The following NOS1AP variants were observed in gnomAD, a reference collection of about 807,000 sequenced individuals.
NOS1AP encodes the protein carboxyl-terminal PDZ ligand of neuronal nitric oxide synthase protein.
NOS1AP carries 21 observed loss-of-function variants against 56.2 expected under a neutral mutation model. That is an observed-to-expected ratio of 0.37 (90% CI 0.26 to 0.54). The LOEUF (loss-of-function observed/expected upper bound fraction) is 0.54. Ranked by LOEUF, NOS1AP falls within the 20% of genes least tolerant of loss-of-function variation. The probability of loss-of-function intolerance (pLI) is 0.84; values close to 1 mark genes in which losing one functional copy is unlikely to be tolerated. For missense variants in NOS1AP, 522 were observed against 657.8 expected, an observed-to-expected ratio of 0.79 and a Z score of 2.26; for synonymous variants, 270 against 274.6, an observed-to-expected ratio of 0.98 and a Z score of 0.17.
chr1:162,164,162 T>A (rs373529243), intron 2 of NOS1AP, among the ~76,000 whole-genome samples: 35 of 152,334 alleles, frequency 2.3e-4, no homozygotes, highest in African/African-American at 7.9e-4. Context: ...TTTCTTGCAC[T>A]GACACACCTC....
At chr1:162,364,012 CTG>C (rs1318044339) in intron 8 of NOS1AP, 1 of 985,344 alleles carries the variant, frequency 1.0e-6, no homozygotes, top group Non-Finnish European at 1.2e-6. Flanking sequence ...GTGTAATTCT[CTG>C]AGTGCTGGTT....
rs3065060 is a variant in NOS1AP, at chr1:162,368,438, C to CAAAAAAA, written c.*978_*984dup. The CAAAAAAA allele has an allele frequency of 2.4e-3, 350 of 145,746 alleles. 3 individuals carry two copies. The highest frequency in any genetic ancestry group is 8.5e-3 in the African/African-American group (329 of 38,494). 9.0% of individuals were successfully genotyped at this position (145,746 alleles called of 1,614,324 possible). ...GGGCAGTGGTGGTCAGTTTTTACTG[C>CAAAAAAA]AAAAAAAAAAAAAGAAAAAAGAGAA... On this transcript the variant is annotated 3_prime_UTR_variant, in exon 10 of 10. Transcript: ENST00000361897.
chr1:162,292,964 G>A (rs1557866357), intron 3 of NOS1AP, among the ~76,000 whole-genome samples: 2 of 152,152 alleles, frequency 1.3e-5, no homozygotes, highest in Admixed American at 6.5e-5. Context: ...TGGCAGCCAG[G>A]GTGTGAATCT....
intron 1 of NOS1AP, among the ~76,000 whole-genome samples, chr1:162,105,106 GT>G (rs763452013): frequency 2.0e-5 from 3 of 152,088 alleles, no homozygotes; most frequent in Non-Finnish European, 2.9e-5. Flanking sequence ...TTTTTTGTTG[GT>G]GGTGTTGTTT....
At chr1:162,241,743 A>C (rs936941088) in intron 2 of NOS1AP, among the ~76,000 whole-genome samples, 1 of 152,146 alleles carries the variant, frequency 6.6e-6, no homozygotes, top group East Asian at 1.9e-4. Flanking sequence ...GTCTCCAAGG[A>C]TTGACTCAGC....
intron 2 of NOS1AP, among the ~76,000 whole-genome samples, chr1:162,212,043 T>C (rs1428558236): frequency 2.0e-5 from 3 of 152,210 alleles, no homozygotes; most frequent in Non-Finnish European, 4.4e-5. Context: ...TAGTCGATGC[T>C]ATAGCTGGGG....
chr1:162,343,934 G>A lies in NOS1AP; in HGVS notation c.553G>A (p.Asp185Asn). The A allele has an allele frequency of 6.2e-7, 1 of 1,614,182 alleles. No homozygotes were observed. Among genetic ancestry groups the A allele is most frequent in the African/African-American group, 1.3e-5 (1 of 75,046 alleles). The change falls in exon 6 of 10, where the codon GAT becomes AAT. Residue 185 changes from aspartate to asparagine, a missense_variant. Physicochemically the swap from Asp to Asn is conservative, Grantham distance 23. Coordinates refer to ENST00000361897, the MANE Select transcript of NOS1AP (RefSeq NM_014697.3). Reference sequence around the variant, plus strand: ...GCAGCAGAATGCAGATGGCCAGGAAGATGGAGAGAGCGAGAGGAACAGCAA... The same window carrying A: ...GCAGCAGAATGCAGATGGCCAGGAAAATGGAGAGAGCGAGAGGAACAGCAA... ...HTQQNADGQE[D>N]GESERNSNSS... is the part of the protein sequence containing the mutation.
chr1:162,300,365 C>T (rs1655605846), intron 3 of NOS1AP, among the ~76,000 whole-genome samples: 2 of 152,142 alleles, frequency 1.3e-5, no homozygotes, highest in South Asian at 2.1e-4. Flanking sequence ...ACATTACGTC[C>T]CCACTTCACC....
intron 2 of NOS1AP, 102 bp from the exon 3 acceptor site, chr1:162,287,242 C>T (rs532355512): frequency 7.4e-6 from 6 of 809,496 alleles, no homozygotes; most frequent in East Asian, 2.5e-5. Flanking sequence ...ATTCCCCACA[C>T]CTGTCTGGGG....
chr1:162,346,237 G>T (rs7544809), intron 6 of NOS1AP, among the ~76,000 whole-genome samples: 44,117 of 152,044 alleles, frequency 0.29, 6,685 homozygotes, highest in East Asian at 0.53. Context: ...TCTATATAAG[G>T]TTACATAGCA....
At chr1:162,158,966 T>A (rs933496013) in intron 2 of NOS1AP, among the ~76,000 whole-genome samples, 1 of 152,236 alleles carries the variant, frequency 6.6e-6, no homozygotes, top group African/African-American at 2.4e-5. Context: ...TTAGAACAAT[T>A]CACAAAGTTT....
At chr1:162,364,958 T>C in intron 8 of NOS1AP, 2 of 1,030,702 alleles carry the variant, frequency 1.9e-6, no homozygotes, top group Non-Finnish European at 2.3e-6. Context: ...GGTTTTGTTT[T>C]TTAGAAGACA....
chr1:162,332,846 G>A (rs1656817042), intron 4 of NOS1AP, among the ~76,000 whole-genome samples, 171 bp from the exon 5 acceptor site: 2 of 152,180 alleles, frequency 1.3e-5, no homozygotes, highest in South Asian at 2.1e-4. Flanking sequence ...TGTGGAATCT[G>A]TTGAAAGTGC....
intron 1 of NOS1AP, among the ~76,000 whole-genome samples, chr1:162,081,774 A>ATATTTTTTTTT: frequency 2.3e-5 from 1 of 44,060 alleles, no homozygotes; most frequent in African/African-American, 7.7e-5. Context: ...ATATATATAT[A>ATATTTTTTTTT]TTTTTTTTTT....
chr1:162,313,572 C>T (rs1056461988), intron 4 of NOS1AP, among the ~76,000 whole-genome samples: 4 of 152,180 alleles, frequency 2.6e-5, no homozygotes, highest in Non-Finnish European at 4.4e-5. Flanking sequence ...ACCAGTCTGG[C>T]TTGGAATGCA....
At chr1:162,218,988 C>G (rs749516128) in intron 2 of NOS1AP, among the ~76,000 whole-genome samples, 2 of 152,142 alleles carry the variant, frequency 1.3e-5, no homozygotes, top group Non-Finnish European at 2.9e-5. Context: ...CATTCACCAC[C>G]GAGCCCAGGT....
At chr1:162,075,576 A>C (rs958930553) in intron 1 of NOS1AP, among the ~76,000 whole-genome samples, 1 of 152,190 alleles carries the variant, frequency 6.6e-6, no homozygotes, top group Non-Finnish European at 1.5e-5. Flanking sequence ...CCATTCCACT[A>C]TACACTGGGT....
At chr1:162,306,653 A>G (rs913639219) in intron 4 of NOS1AP, among the ~76,000 whole-genome samples, 1 of 152,300 alleles carries the variant, frequency 6.6e-6, no homozygotes, top group East Asian at 1.9e-4. Flanking sequence ...GAATAGTTTC[A>G]TCAGTCGGCT....
At chr1:162,164,298 G>A (rs1650372712) in intron 2 of NOS1AP, among the ~76,000 whole-genome samples, 1 of 152,020 alleles carries the variant, frequency 6.6e-6, no homozygotes, top group Non-Finnish European at 1.5e-5. Context: ...TCTTGGTGTT[G>A]GCAACAGGTT....
Sources: allele counts gnomAD v4.1 joint callset (sites outside exome capture counted in the v4.1 genomes callset), GRCh38; gene constraint gnomAD v4.1.1; transcripts MANE v1.5; gene names NCBI Gene and HGNC (gene_info 2026-07-23, HGNC 2026-07-21).